CYP7B1: variants seen among roughly 807,000 people sequenced by gnomAD.
The protein encoded by CYP7B1 is cytochrome P450 7B1.
In CYP7B1, 29 loss-of-function variants were observed where a neutral mutation model predicts 42.7. The observed-to-expected ratio is 0.68, with a 90% CI of 0.51 to 0.93. The LOEUF is 0.93. CYP7B1 is among the 40% of genes least tolerant of loss of function. The pLI is 0.00. For synonymous variants in CYP7B1, 235 were observed against 218.2 expected (o/e 1.08, Z -0.68); for missense variants, 655 against 600.5 (o/e 1.09, Z -0.95).
chr8:64,610,502 T>A (rs937945017), intron 4 of CYP7B1, among the ~76,000 whole-genome samples: 2 of 152,130 alleles, frequency 1.3e-5, no homozygotes, highest in Non-Finnish European at 2.9e-5. Context: ...TTGAACGAGC[T>A]TTTTCAAAAT....
intron 1 of CYP7B1, among the ~76,000 whole-genome samples, chr8:64,640,189 T>C (rs1345802052): frequency 6.6e-6 from 1 of 152,130 alleles, no homozygotes; most frequent in Non-Finnish European, 1.5e-5. Context: ...TGGGTGCTGA[T>C]GGAAGTGTTC....
chr8:64,663,826 C>T (rs546767788), intron 1 of CYP7B1, among the ~76,000 whole-genome samples: 27 of 152,312 alleles, frequency 1.8e-4, no homozygotes, highest in African/African-American at 6.0e-4. Flanking sequence ...TCTGGCAACA[C>T]CACGCGTCTC....
chr8:64,798,687 C>T lies in CYP7B1; in HGVS notation c.-100G>A. ...CGGCGGCTTCTCTCGGCGGCGCCCC[C>T]TAGTCCAGGGCCGGAGAGGCTGGCC... On this transcript the variant is annotated 5_prime_UTR_variant, in exon 1 of 6. Transcript: ENST00000310193. The T allele has an allele frequency of 7.5e-7, 1 of 1,325,772 alleles. No homozygotes were observed. 82.1% of individuals were successfully genotyped at this position (1,325,772 alleles called of 1,614,324 possible).
intron 1 of CYP7B1, among the ~76,000 whole-genome samples, chr8:64,777,375 C>G (rs552843263): frequency 7.8e-4 from 119 of 152,092 alleles, no homozygotes; most frequent in Non-Finnish European, 6.6e-4. Context: ...AAAATATGCT[C>G]AAGCCTCAGC....
At chr8:64,742,462 T>C (rs964247090) in intron 1 of CYP7B1, among the ~76,000 whole-genome samples, 2 of 152,194 alleles carry the variant, frequency 1.3e-5, no homozygotes, top group Admixed American at 1.3e-4. Context: ...CCATGAATGC[T>C]TTACTGTAAA....
rs748476489 is a variant in CYP7B1, at chr8:64,604,810, T to C, written c.1105A>G (p.Ile369Val). 3 of 1,614,048 alleles carry C rather than the reference T, an allele frequency of 1.9e-6. No homozygotes were observed. Among genetic ancestry groups the C allele is most frequent in the South Asian group, 2.2e-5 (2 of 91,066 alleles). The change falls in exon 5 of 6, where the codon ATT (isoleucine) becomes GTT (valine). Residue 369 changes from isoleucine (I) to valine (V), a missense_variant. Coordinates refer to ENST00000310193, the MANE Select transcript of CYP7B1 (RefSeq NM_004820.5). ...ALRLSSYSTT[I>V]RFVEEDLTLS... Reference sequence around the variant, plus strand: ...GTCAAATCCTCCTCAACAAAACGAATGGTGGTTGAATATGAGGACAGTCGT... The same window carrying C: ...GTCAAATCCTCCTCAACAAAACGAACGGTGGTTGAATATGAGGACAGTCGT...
At position 64,624,617 on chromosome 8, in the gene CYP7B1, C is replaced by T. The variant is rs934843199; in HGVS notation, c.123-78G>A. 27 of 1,540,118 alleles carry T rather than the reference C, an allele frequency of 1.8e-5. 1 individual carries two copies. The Admixed American group carries it at 1.9e-4, about 11-fold the overall frequency. ...TATTCGAATACAGGTGGTTTATTTA[C>T]TGAATCTAGAAGGTGACTGCATGGA... is the stretch of plus-strand genomic sequence containing the variant. On this transcript the variant is annotated intron_variant, in intron 1 of 5. Transcript: ENST00000310193.
chr8:64,718,942 C>T (rs140061691), intron 1 of CYP7B1, among the ~76,000 whole-genome samples: 84 of 152,290 alleles, frequency 5.5e-4, no homozygotes, highest in African/African-American at 1.8e-3. Context: ...ACAACAATCA[C>T]GACTGAAATC....
intron 1 of CYP7B1, among the ~76,000 whole-genome samples, chr8:64,777,756 T>C (rs1395583801): frequency 6.6e-6 from 1 of 151,956 alleles, no homozygotes; most frequent in African/African-American, 2.4e-5. Context: ...TCTCCAAGTC[T>C]CTGCTTCTGA....
chr8:64,604,545 T>G (rs541696546), intron 5 of CYP7B1, 137 bp downstream of exon 5: 2 of 838,186 alleles, frequency 2.4e-6, no homozygotes, highest in Non-Finnish European at 3.9e-6. Flanking sequence ...GCTTTCTTAT[T>G]AGGAGGAATA....
chr8:64,597,200 G>A (rs1805132435), intron 5 of CYP7B1, among the ~76,000 whole-genome samples: 1 of 152,152 alleles, frequency 6.6e-6, no homozygotes, highest in Non-Finnish European at 1.5e-5. Flanking sequence ...AGCTTCCCAA[G>A]TAGAGTGGCA....
chr8:64,709,467 A>C (rs1382532176), intron 1 of CYP7B1, among the ~76,000 whole-genome samples: 1 of 152,234 alleles, frequency 6.6e-6, no homozygotes, highest in African/African-American at 2.4e-5. Flanking sequence ...GTATGTATAT[A>C]TAGTCATTCA....
intron 1 of CYP7B1, among the ~76,000 whole-genome samples, chr8:64,724,427 G>C (rs994927993): frequency 6.6e-6 from 1 of 152,128 alleles, no homozygotes; most frequent in East Asian, 1.9e-4. Flanking sequence ...GATTACAGGT[G>C]TGAGCCACCG....
At chr8:64,622,599 T>C (rs1476449583) in intron 2 of CYP7B1, among the ~76,000 whole-genome samples, 1 of 152,120 alleles carries the variant, frequency 6.6e-6, no homozygotes, top group Admixed American at 6.5e-5. Flanking sequence ...TGCAACTCTC[T>C]TGAAAGAGCT....
intron 1 of CYP7B1, among the ~76,000 whole-genome samples, chr8:64,692,090 G>A (rs1228710969): frequency 6.6e-6 from 1 of 152,144 alleles, no homozygotes. Context: ...ATACGCATAT[G>A]CTAACAATAG....
intron 1 of CYP7B1, among the ~76,000 whole-genome samples, chr8:64,760,271 G>A (rs751007301): frequency 1.6e-4 from 24 of 151,826 alleles, no homozygotes; most frequent in Middle Eastern, 3.2e-3. Flanking sequence ...CAAACATAAG[G>A]CCTGAAAAGC....
At chr8:64,760,843 T>C (rs1807878591) in intron 1 of CYP7B1, among the ~76,000 whole-genome samples, 1 of 152,118 alleles carries the variant, frequency 6.6e-6, no homozygotes, top group African/African-American at 2.4e-5. Flanking sequence ...GCCATCCCAA[T>C]ACTGTGTATA....
At chr8:64,649,935 G>A (rs1199389666) in intron 1 of CYP7B1, among the ~76,000 whole-genome samples, 3 of 150,990 alleles carry the variant, frequency 2.0e-5, no homozygotes, top group Admixed American at 1.3e-4. Context: ...TTGAATTGTA[G>A]AAGCTTTTAT....
Position 64,596,549 on chromosome 8 carries a change from A to G in CYP7B1, c.*93T>C, listed in dbSNP as rs1048688444. 1 of 1,287,506 alleles carries G rather than the reference A, an allele frequency of 7.8e-7. No individual in the cohort carries two copies. The highest frequency in any genetic ancestry group is 1.5e-5 in the African/African-American group (1 of 66,284). 79.8% of individuals were successfully genotyped at this position (1,287,506 alleles called of 1,614,324 possible). The stretch of plus-strand genomic sequence containing the variant: ...AAATTAGCGCTTTTTAAACAAATAA[A>G]TCAATTACATTTGCAGAAATTAAAA... On this transcript the variant is annotated 3_prime_UTR_variant, in exon 6 of 6. Coordinates refer to ENST00000310193, the MANE Select transcript of CYP7B1 (RefSeq NM_004820.5).
Sources: allele counts gnomAD v4.1 joint callset (sites outside exome capture counted in the v4.1 genomes callset), GRCh38; gene constraint gnomAD v4.1.1; transcripts MANE v1.5; gene names NCBI Gene and HGNC (gene_info 2026-07-23, HGNC 2026-07-21).